REST: variants seen among roughly 807,000 people sequenced by gnomAD.
REST encodes the protein RE1 silencing transcription factor, also known as RE1-silencing transcription factor.
REST carries 1 observed loss-of-function variant against 30.4 expected under a neutral mutation model. The observed-to-expected ratio is 0.03, with a 90% CI of 0.01 to 0.16. The LOEUF is 0.16. Among genes scored for constraint, REST ranks in the 10% least tolerant of loss-of-function variants. REST has a pLI of 1.00. For synonymous variants in REST, 504 were observed against 451.1 expected (o/e 1.12, Z -1.49); for missense variants, 1,259 against 1,329.5 (o/e 0.95, Z 0.82).
At position 56,935,244 on chromosome 4, in the gene REST, C is replaced by G. The variant is rs1721108063; in HGVS notation, c.*3092C>G. ...CCTTGCCTGTAGTATACTGTCACTT[C>G]TGGATTGATAAGCTGAGGAAGAAAG... On this transcript the variant is annotated 3_prime_UTR_variant, in exon 4 of 4. Transcript: ENST00000309042. The G allele has an allele frequency of 6.6e-6, 1 of 152,138 alleles. No individual in the cohort carries two copies. The highest frequency in any genetic ancestry group is 6.6e-5 in the Admixed American group (1 of 15,260). 9.4% of individuals were successfully genotyped at this position (152,138 alleles called of 1,614,324 possible). A position where few individuals can be genotyped will look rare whatever the true frequency, so the allele number is the denominator to read the frequency against.
intron 1 of REST, among the ~76,000 whole-genome samples, chr4:56,909,796 C>T (rs1232977645): frequency 6.6e-6 from 1 of 152,176 alleles, no homozygotes; most frequent in African/African-American, 2.4e-5. Flanking sequence ...CTTGTAATGG[C>T]TTCCACTAGG....
chr4:56,931,461 C>T lies in REST; in HGVS notation c.2603C>T (p.Pro868Leu), dbSNP rs753496340. ...CTCTCACCACCATCACCACCACTGC[C>T]AAAGGAAAATTTAAGAGAAGAGGCA... ...EDLSPPSPPL[P>L]KENLREEASG... The change falls in exon 4 of 4, where the codon CCA becomes CTA. Residue 868 changes from proline (P) to leucine (L), a missense_variant. By Grantham distance (98) the Pro-to-Leu change is moderately conservative. This residue lies in a region of REST where 856 missense variants were observed against 772.8 expected (regional missense o/e 1.11). Transcript: ENST00000309042. 4 of 1,614,008 alleles carry T rather than the reference C, an allele frequency of 2.5e-6. No homozygotes were observed. The highest frequency in any genetic ancestry group is 3.4e-6 in the Non-Finnish European group (4 of 1,180,036).
chr4:56,924,581 C>T (rs1720596298), intron 3 of REST, among the ~76,000 whole-genome samples: 1 of 151,622 alleles, frequency 6.6e-6, no homozygotes, highest in Non-Finnish European at 1.5e-5. Flanking sequence ...CCTTAACCTC[C>T]CAAGTAGCTG....
At position 56,930,534 on chromosome 4, in the gene REST, C is replaced by T; in HGVS notation, c.1676C>T (p.Pro559Leu). The T allele has an allele frequency of 6.2e-7, 1 of 1,611,392 alleles. No homozygotes were observed. The highest frequency in any genetic ancestry group is 2.2e-5 in the East Asian group (1 of 44,870). The change falls in exon 4 of 4, where the codon CCA (proline) becomes CTA (leucine). Residue 559 changes from proline (P) to leucine (L), a missense_variant. Pro to Leu is a moderately conservative substitution (Grantham distance 98). Around this residue, in one of 5 missense-constraint regions of REST, gnomAD observed 856 missense variants for 772.8 expected, o/e 1.11. Transcript: ENST00000309042. ...SKSKNNSQEV[P>L]KGDSKVEENK... Reference sequence around the variant, plus strand: ...TCCAAAAATAATAGTCAGGAAGTGCCAAAGGGTGACAGCAAAGTGGAGGAG... The same window carrying T: ...TCCAAAAATAATAGTCAGGAAGTGCTAAAGGGTGACAGCAAAGTGGAGGAG...
chr4:56,929,404 T>C (rs1202301801), intron 3 of REST, among the ~76,000 whole-genome samples: 2 of 152,358 alleles, frequency 1.3e-5, no homozygotes, highest in East Asian at 3.9e-4. Context: ...CCTTCTGCCA[T>C]GGCCTCCCAG....
chr4:56,920,717 G>C (rs1447656867), intron 3 of REST, among the ~76,000 whole-genome samples: 1 of 151,898 alleles, frequency 6.6e-6, no homozygotes, highest in Non-Finnish European at 1.5e-5. Context: ...CCGAGATCAC[G>C]CCATCAAGAG....
intron 2 of REST, among the ~76,000 whole-genome samples, chr4:56,918,110 C>T (rs867192152): frequency 2.0e-5 from 3 of 150,052 alleles, no homozygotes; most frequent in Non-Finnish European, 3.0e-5. Context: ...AAAGAATATA[C>T]GTTTCCTACC....
Position 56,930,701 on chromosome 4 carries a change from C to G in REST, c.1843C>G (p.Pro615Ala). Residue 615 changes from proline to alanine, a missense_variant, in exon 4 of 4, where the codon CCT (proline) becomes GCT (alanine). Coordinates refer to ENST00000309042, the MANE Select transcript of REST (RefSeq NM_005612.5). ...TCAGATGGACCCTCCTCAGATGGGG[C>G]CTGCTCCCACAGAGGCGGTTCAGAA... is the stretch of plus-strand genomic sequence containing the variant. ...SAQMDPPQMG[P>A]APTEAVQKGP... is the part of the protein sequence containing the mutation. 6.2e-7 allele frequency: 1 copy of G among 1,608,330 alleles called. No individual in the cohort carries two copies. Among genetic ancestry groups the G allele is most frequent in the Non-Finnish European group, 8.5e-7 (1 of 1,178,576 alleles).
chr4:56,919,510 T>C (rs983349270), intron 2 of REST, among the ~76,000 whole-genome samples: 8 of 152,246 alleles, frequency 5.3e-5, no homozygotes, highest in African/African-American at 1.9e-4. Context: ...ACTTAATGTA[T>C]TAACATGCAG....
rs1302275759 is a variant in REST at position 56,930,686 on chromosome 4, C to T, written c.1828C>T (p.Pro610Ser). ...PVEKGSAQMD[P>S]PQMGPAPTEA... ...TGAGAAGGGATCTGCTCAGATGGAC[C>T]CTCCTCAGATGGGGCCTGCTCCCAC... The change falls in exon 4 of 4, where the codon CCT becomes TCT. Residue 610 changes from proline to serine, a missense_variant. Pro to Ser is a moderately conservative substitution (Grantham distance 74, BLOSUM62 -1). Transcript: ENST00000309042. 1.9e-6 allele frequency: 3 copies of T among 1,612,366 alleles called. No homozygotes were observed. The highest frequency in any genetic ancestry group is 2.5e-6 in the Non-Finnish European group (3 of 1,179,610).
In REST at chr4:56,930,783, C is replaced by T. The variant is rs1461770315; in HGVS notation, c.1925C>T (p.Ala642Val). The T allele has an allele frequency of 6.2e-7, 1 of 1,604,414 alleles. No individual in the cohort carries two copies. The highest frequency in any genetic ancestry group is 8.5e-7 in the Non-Finnish European group (1 of 1,175,832). The part of the protein sequence containing the change: ...PPMEHAQMEG[A>V]QIRPAPDEPV... Reference sequence around the variant, plus strand: ...ATGGAGCATGCTCAGATGGAGGGTGCCCAGATACGGCCTGCTCCTGACGAG... The same window carrying T: ...ATGGAGCATGCTCAGATGGAGGGTGTCCAGATACGGCCTGCTCCTGACGAG... Residue 642 changes from alanine to valine, a missense_variant, in exon 4 of 4, where the codon GCC (alanine) becomes GTC (valine). Physicochemically the swap from Ala to Val is moderately conservative, Grantham distance 64 (BLOSUM62 0). Around this residue, in one of 5 missense-constraint regions of REST, gnomAD observed 856 missense variants for 772.8 expected, o/e 1.11. Coordinates refer to ENST00000309042, the MANE Select transcript of REST (RefSeq NM_005612.5).
At chr4:56,921,702 G>A (rs932233514) in intron 3 of REST, among the ~76,000 whole-genome samples, 5 of 152,232 alleles carry the variant, frequency 3.3e-5, no homozygotes, top group East Asian at 1.9e-4. Flanking sequence ...GAGCCACCGC[G>A]CCCGGCCACA....
intron 2 of REST, among the ~76,000 whole-genome samples, chr4:56,912,339 C>CTTTTT (rs11318390): frequency 8.9e-6 from 1 of 112,726 alleles, no homozygotes; most frequent in African/African-American, 3.3e-5. Flanking sequence ...AAAGTTGAAA[C>CTTTTT]TTTTTTTTTT....
chr4:56,909,514 G>A (rs1172148376), intron 1 of REST: 1 of 152,238 alleles, frequency 6.6e-6, no homozygotes, highest in African/African-American at 2.4e-5. Flanking sequence ...TTACCCAATA[G>A]CTTGGGCTGT....
At chr4:56,915,659 AAAAT>A (rs1330653417) in intron 2 of REST, among the ~76,000 whole-genome samples, 1 of 152,150 alleles carries the variant, frequency 6.6e-6, no homozygotes, top group Non-Finnish European at 1.5e-5. Flanking sequence ...AAAATTATGG[AAAAT>A]AAACTCATCT....
At chr4:56,925,173 A>G (rs1171357966) in intron 3 of REST, among the ~76,000 whole-genome samples, 1 of 152,028 alleles carries the variant, frequency 6.6e-6, no homozygotes, top group East Asian at 1.9e-4. Flanking sequence ...TCAAAAAAAA[A>G]AAAAAAAAAA....
At chr4:56,919,311 T>G (rs1720342706) in intron 2 of REST, among the ~76,000 whole-genome samples, 1 of 152,068 alleles carries the variant, frequency 6.6e-6, no homozygotes, top group Non-Finnish European at 1.5e-5. Context: ...GCAATTACAT[T>G]CTCACTCAGA....
At chr4:56,925,352 G>A in intron 3 of REST, among the ~76,000 whole-genome samples, 1 of 150,318 alleles carries the variant, frequency 6.7e-6, no homozygotes. Context: ...AGGTGGCACT[G>A]TAGGCTTGTG....
At position 56,910,680 on chromosome 4, in the gene REST, G is replaced by A. The variant is rs998152062; in HGVS notation, c.42G>A (p.Gly14=). 4 of 1,613,778 alleles carry A rather than the reference G, an allele frequency of 2.5e-6. No homozygotes were observed. The highest frequency in any genetic ancestry group is 1.7e-4 in the Middle Eastern group (1 of 6,058). Reference sequence around the variant, plus strand: ...TGGGGCAGTCTTCTGGAGGAGGAGGGCTGTTTACCAGCAGTGGCAACATTG... The same window carrying A: ...TGGGGCAGTCTTCTGGAGGAGGAGGACTGTTTACCAGCAGTGGCAACATTG... ...QVMGQSSGGG[G]LFTSSGNIGM... is the part of the protein sequence containing the mutation. The change falls in exon 2 of 4, where the codon GGG becomes GGA. Residue 14 remains glycine, a synonymous_variant. Coordinates refer to ENST00000309042, the MANE Select transcript of REST (RefSeq NM_005612.5).
Sources: allele counts gnomAD v4.1 joint callset (sites outside exome capture counted in the v4.1 genomes callset), GRCh38; gene constraint gnomAD v4.1.1; regional missense constraint gnomAD v4.1.1; transcripts MANE v1.5; gene names NCBI Gene and HGNC (gene_info 2026-07-23, HGNC 2026-07-21).